The following CNTNAP2 variants were observed in gnomAD, a reference collection of about 807,000 sequenced individuals.
CNTNAP2 encodes contactin-associated protein-like 2.
A neutral mutation model predicts 155.2 loss-of-function variants in CNTNAP2; 98 were observed. The ratio of observed to expected loss-of-function variants is 0.63; its 90% CI spans 0.54 to 0.75. The LOEUF is 0.75. Among genes scored for constraint, CNTNAP2 ranks in the 30% least tolerant of loss-of-function variants. CNTNAP2 has a pLI of 0.00. For synonymous variants in CNTNAP2, 651 were observed against 631.2 expected (o/e 1.03, Z -0.47); for missense variants, 1,727 against 1,688.1 (o/e 1.02, Z -0.40).
At chr7:147,530,334 C>T (rs1280626046) in intron 11 of CNTNAP2, among the ~76,000 whole-genome samples, 2 of 152,010 alleles carry the variant, frequency 1.3e-5, no homozygotes, top group Non-Finnish European at 1.5e-5. Context: ...CGTGTGCCTC[C>T]GTGCCTGGCT....
chr7:147,574,990 G>A (rs1297336503), intron 12 of CNTNAP2, among the ~76,000 whole-genome samples: 2 of 151,992 alleles, frequency 1.3e-5, no homozygotes, highest in Non-Finnish European at 2.9e-5. Context: ...CATCTTTCCA[G>A]ACTTTCAAGT....
intron 12 of CNTNAP2, among the ~76,000 whole-genome samples, chr7:147,572,035 C>T (rs1800304534): frequency 6.6e-6 from 1 of 152,182 alleles, no homozygotes; most frequent in Admixed American, 6.5e-5. Flanking sequence ...TATTTCAGTT[C>T]TTCACAATCA....
chr7:147,019,459 C>CA (rs1014186942), intron 3 of CNTNAP2, among the ~76,000 whole-genome samples: 6 of 151,754 alleles, frequency 4.0e-5, no homozygotes, highest in African/African-American at 1.5e-4. Context: ...TAAATTCAAA[C>CA]AAAAAAAGGC....
intron 14 of CNTNAP2, among the ~76,000 whole-genome samples, chr7:147,974,321 C>T (rs2888539): frequency 0.27 from 41,541 of 152,010 alleles, 6,412 homozygotes; most frequent in East Asian, 0.56. Flanking sequence ...TATAAACCAA[C>T]ATTACTGGCT....
chr7:147,581,710 C>A (rs757406665), intron 12 of CNTNAP2, among the ~76,000 whole-genome samples: 6 of 152,182 alleles, frequency 3.9e-5, no homozygotes, highest in Admixed American at 2.0e-4. Flanking sequence ...TCCAGCTTAA[C>A]AGCAACTCAG....
chr7:147,253,688 A>G (rs1389085471), intron 8 of CNTNAP2, among the ~76,000 whole-genome samples: 1 of 152,170 alleles, frequency 6.6e-6, no homozygotes. Context: ...GATCTTAGAC[A>G]CAGAGATCAG....
At chr7:147,596,544 G>T (rs910856324) in intron 12 of CNTNAP2, among the ~76,000 whole-genome samples, 30 of 152,224 alleles carry the variant, frequency 2.0e-4, no homozygotes, top group African/African-American at 7.0e-4. Flanking sequence ...CCTTCTCGGG[G>T]TCTCAAACCT....
At chr7:148,230,915 C>T (rs1273952504) in intron 20 of CNTNAP2, among the ~76,000 whole-genome samples, 1 of 152,108 alleles carries the variant, frequency 6.6e-6, no homozygotes, top group African/African-American at 2.4e-5. Context: ...CATCTTTAAC[C>T]AAGTTTTAGT....
At chr7:147,477,065 T>A (rs1045096722) in intron 10 of CNTNAP2, among the ~76,000 whole-genome samples, 2 of 152,188 alleles carry the variant, frequency 1.3e-5, no homozygotes. Flanking sequence ...AAATTTACTT[T>A]GGGGCACAAT....
At chr7:147,011,482 TG>T (rs1189820746) in intron 3 of CNTNAP2, among the ~76,000 whole-genome samples, 1 of 140,246 alleles carries the variant, frequency 7.1e-6, no homozygotes, top group Non-Finnish European at 1.5e-5. Flanking sequence ...GAAAAGCAAC[TG>T]TTCTGGATTG....
rs1795444096 is a variant in CNTNAP2 at position 146,385,242 on chromosome 7, T to C, written c.97+268269T>C. 4.6e-5 allele frequency among the ~76,000 whole-genome samples: 7 copies of C among 152,174 alleles called. No individual in the cohort carries two copies. The South Asian group carries it at 1.4e-3, about 32-fold the overall frequency. Reference sequence around the variant, plus strand: ...CTCCTATTGCTTGTAATCTTGTTGCTCTTCCAGGGCTAGAAAAGTCCTAAA... The same window carrying C: ...CTCCTATTGCTTGTAATCTTGTTGCCCTTCCAGGGCTAGAAAAGTCCTAAA... On this transcript the variant is annotated intron_variant, in intron 1 of 23. Transcript: ENST00000361727.
chr7:147,437,685 TG>T (rs1213795932), intron 10 of CNTNAP2, among the ~76,000 whole-genome samples: 1 of 152,152 alleles, frequency 6.6e-6, no homozygotes, highest in East Asian at 1.9e-4. Context: ...TGGGTATTTT[TG>T]TGGTTCCATA....
chr7:147,015,440 C>T (rs539925491), intron 3 of CNTNAP2, among the ~76,000 whole-genome samples: 20 of 152,066 alleles, frequency 1.3e-4, no homozygotes, highest in African/African-American at 4.6e-4. Context: ...AAAAAAGTGA[C>T]TTCTATTTTT....
At chr7:147,820,421 T>C (rs1798343427) in intron 13 of CNTNAP2, among the ~76,000 whole-genome samples, 1 of 152,264 alleles carries the variant, frequency 6.6e-6, no homozygotes, top group African/African-American at 2.4e-5. Flanking sequence ...TTGAGATATA[T>C]ATTTGAATGA....
At position 147,225,810 on chromosome 7, in the gene CNTNAP2, AGAAG is replaced by A. The variant is rs1345426667; in HGVS notation, c.1349-74327_1349-74324del. Among the ~76,000 whole-genome samples the A allele has an allele frequency of 5.7e-4, 70 of 121,920 alleles. 2 individuals are homozygous for A. Among genetic ancestry groups the A allele is most frequent in the African/African-American group, 1.8e-3 (61 of 33,314 alleles). 80.0% of individuals were successfully genotyped at this position (121,920 alleles called of 152,430 possible). On this transcript the variant is annotated intron_variant, in intron 8 of 23. Transcript: ENST00000361727. ...AGGAAGGAAGGAAGGAAAGAAAGAA[AGAAG>A]GAAAGAAGGAAAGAAGGAAGGAAGG...
intron 8 of CNTNAP2, among the ~76,000 whole-genome samples, chr7:147,205,344 G>A (rs918986204): frequency 6.6e-6 from 1 of 151,814 alleles, no homozygotes; most frequent in Non-Finnish European, 1.5e-5. Flanking sequence ...GCTATTCTGG[G>A]TATTTTGTGG....
At chr7:147,515,050 G>A (rs851839) in intron 11 of CNTNAP2, among the ~76,000 whole-genome samples, 97,674 of 151,810 alleles carry the variant, frequency 0.64, 32,299 homozygotes, top group South Asian at 0.77. Flanking sequence ...CCCCTTGTTT[G>A]CTCACTCAGT....
rs186972308 is a variant in CNTNAP2, at chr7:147,016,521, T to G, written c.403-27386T>G. 7.2e-5 allele frequency among the ~76,000 whole-genome samples: 11 copies of G among 152,226 alleles called. No individual in the cohort carries two copies. The East Asian group carries it at 2.1e-3, about 29-fold the overall frequency. Reference sequence around the variant, plus strand: ...ATACAAACTACTTTTTCTCAGGGCCTCTTAATAAGAACTGGTTCCATTTGA... The same window carrying G: ...ATACAAACTACTTTTTCTCAGGGCCGCTTAATAAGAACTGGTTCCATTTGA... On this transcript the variant is annotated intron_variant, in intron 3 of 23. Transcript: ENST00000361727.
At chr7:146,664,056 GTTT>G (rs1257789625) in intron 1 of CNTNAP2, among the ~76,000 whole-genome samples, 4 of 149,918 alleles carry the variant, frequency 2.7e-5, no homozygotes, top group Non-Finnish European at 4.4e-5. Flanking sequence ...GTTTGCTAGG[GTTT>G]TTATTATAAG....
Sources: gnomAD v4.1 joint callset for allele counts (sites outside exome capture counted in the v4.1 genomes callset) on GRCh38, gnomAD v4.1.1 for gene constraint, MANE v1.5 for transcripts, NCBI Gene and HGNC (gene_info 2026-07-23, HGNC 2026-07-21) for gene names.